The following VPS13B variants were observed in gnomAD, a reference collection of about 807,000 sequenced individuals.
VPS13B encodes the protein intermembrane lipid transfer protein VPS13B.
A neutral mutation model predicts 426.4 loss-of-function variants in VPS13B; 285 were observed. The observed-to-expected ratio is 0.67, with a 90% confidence interval of 0.61 to 0.74. The LOEUF is 0.74. Among genes scored for constraint, VPS13B ranks in the 30% least tolerant of loss-of-function variants. The pLI is 0.00. For synonymous variants in VPS13B, 1,676 were observed against 1,676.4 expected, an observed-to-expected ratio of 1.00 and a Z score of 0.01; for missense variants, 4,537 against 4,782.6, an observed-to-expected ratio of 0.95 and a Z score of 1.51.
chr8:99,422,319 A>C (rs1329996811), intron 21 of VPS13B, among the ~76,000 whole-genome samples: 1 of 152,180 alleles, frequency 6.6e-6, no homozygotes, highest in Non-Finnish European at 1.5e-5. Flanking sequence ...ATCAGAGAAC[A>C]TAGTATTTAC....
At chr8:99,765,849 A>C (rs961296357) in intron 39 of VPS13B, among the ~76,000 whole-genome samples, 2 of 152,164 alleles carry the variant, frequency 1.3e-5, no homozygotes, top group Admixed American at 1.3e-4. Flanking sequence ...CATGCCATAC[A>C]TACAAAAGTC....
At chr8:99,637,231 T>G (rs977909257) in intron 33 of VPS13B, among the ~76,000 whole-genome samples, 4 of 152,022 alleles carry the variant, frequency 2.6e-5, no homozygotes, top group Non-Finnish European at 5.9e-5. Context: ...CTTTTCTTAA[T>G]AGTGGACCAG....
intron 2 of VPS13B, among the ~76,000 whole-genome samples, chr8:99,030,461 A>AGTGAGT (rs1554574582): frequency 6.9e-6 from 1 of 144,794 alleles, no homozygotes; most frequent in Non-Finnish European, 1.5e-5. Flanking sequence ...TGAGTGAGTG[A>AGTGAGT]GTGTGTGTGT....
intron 29 of VPS13B, among the ~76,000 whole-genome samples, chr8:99,515,905 A>G (rs1222501535): frequency 2.0e-5 from 3 of 152,124 alleles, no homozygotes; most frequent in Non-Finnish European, 4.4e-5. Context: ...TTTCCTTATT[A>G]ATTAATACAT....
chr8:99,172,058 C>T (rs1812371722), intron 16 of VPS13B, among the ~76,000 whole-genome samples: 1 of 152,120 alleles, frequency 6.6e-6, no homozygotes, highest in South Asian at 2.1e-4. Context: ...GTTACTCTAC[C>T]TTAGACTTGT....
At chr8:99,809,810 AG>A (rs1813605728) in intron 44 of VPS13B, among the ~76,000 whole-genome samples, 1 of 152,180 alleles carries the variant, frequency 6.6e-6, no homozygotes. Flanking sequence ...CTTCTGGTGG[AG>A]GTGCTAATGA....
chr8:99,818,631 T>G, intron 46 of VPS13B, 82 bp from the exon 47 acceptor site: 1 of 1,603,540 alleles, frequency 6.2e-7, no homozygotes, highest in Middle Eastern at 1.7e-4. Flanking sequence ...AGAGATTTAT[T>G]ACAAGTTTGT....
At chr8:99,395,492 C>T (rs1381120654) in intron 21 of VPS13B, among the ~76,000 whole-genome samples, 1 of 152,150 alleles carries the variant, frequency 6.6e-6, no homozygotes, top group African/African-American at 2.4e-5. Flanking sequence ...ACCAGAAGGT[C>T]TAGGCCTCAG....
chr8:99,421,132 A>G (rs1389978651), intron 21 of VPS13B, among the ~76,000 whole-genome samples: 1 of 152,164 alleles, frequency 6.6e-6, no homozygotes, highest in Non-Finnish European at 1.5e-5. Context: ...CACAACTAAA[A>G]CACAAGCTGA....
At chr8:99,684,559 A>C (rs1440832522) in intron 35 of VPS13B, among the ~76,000 whole-genome samples, 1 of 152,178 alleles carries the variant, frequency 6.6e-6, no homozygotes, top group African/African-American at 2.4e-5. Flanking sequence ...TTAGAAACTC[A>C]TCACCATTTT....
At chr8:99,219,068 A>G (rs748840076) in intron 17 of VPS13B, among the ~76,000 whole-genome samples, 13 of 152,062 alleles carry the variant, frequency 8.5e-5, no homozygotes, top group Non-Finnish European at 1.3e-4. Context: ...AGATTATCTG[A>G]TCAGCAATGA....
At chr8:99,356,542 G>A (rs1333215812) in intron 19 of VPS13B, among the ~76,000 whole-genome samples, 1 of 152,140 alleles carries the variant, frequency 6.6e-6, no homozygotes, top group Non-Finnish European at 1.5e-5. Flanking sequence ...CACCTACTGG[G>A]AGGCTGTGCT....
rs139002981 is a variant in VPS13B, at chr8:99,838,107, C to T, written c.9942+2369C>T. Among the ~76,000 whole-genome samples, 9 of 152,302 alleles carry T rather than the reference C, an allele frequency of 5.9e-5. No individual in the cohort carries two copies. In the East Asian group the frequency reaches 1.7e-3, roughly 29 times the overall value. ...AACAGTTATTGAGAAGACCTGCTAA[C>T]ATGTAGGCTGCAGAATACCGATTGT... On this transcript the variant is annotated intron_variant, in intron 54 of 61. Coordinates refer to ENST00000357162, the MANE Select transcript of VPS13B (RefSeq NM_152564.5).
At chr8:99,767,089 T>A in intron 40 of VPS13B, 119 bp downstream of exon 40, 1 of 985,574 alleles carries the variant, frequency 1.0e-6, no homozygotes, top group Non-Finnish European at 1.6e-6. Context: ...TGCATCTCTC[T>A]GAACAACAGA....
chr8:99,437,058 A>T (rs1269751503), intron 22 of VPS13B, among the ~76,000 whole-genome samples: 3 of 152,110 alleles, frequency 2.0e-5, no homozygotes, highest in Admixed American at 6.5e-5. Context: ...ATTTTTTAAG[A>T]TGTTTTATGA....
At chr8:99,074,004 C>T (rs1274893645) in intron 3 of VPS13B, among the ~76,000 whole-genome samples, 1 of 152,052 alleles carries the variant, frequency 6.6e-6, no homozygotes, top group African/African-American at 2.4e-5. Flanking sequence ...CTACTGGGCT[C>T]AAGTCCTCCC....
chr8:99,434,732 G>A (rs750768531), intron 22 of VPS13B, among the ~76,000 whole-genome samples: 2 of 152,122 alleles, frequency 1.3e-5, no homozygotes, highest in Non-Finnish European at 2.9e-5. Flanking sequence ...AAGAATGGGG[G>A]GAAGAAAGTA....
At chr8:99,813,337 G>C (rs1345771276) in intron 44 of VPS13B, among the ~76,000 whole-genome samples, 6 of 152,140 alleles carry the variant, frequency 3.9e-5, no homozygotes, top group African/African-American at 1.4e-4. Context: ...TGGAGATTCT[G>C]TGGTTTCTCT....
intron 17 of VPS13B, among the ~76,000 whole-genome samples, chr8:99,202,871 A>G (rs1814424466): frequency 6.6e-6 from 1 of 151,818 alleles, no homozygotes; most frequent in African/African-American, 2.4e-5. Flanking sequence ...CTACTAAAAA[A>G]AAAATACAAA....
Sources: gnomAD v4.1 joint callset for allele counts (sites outside exome capture counted in the v4.1 genomes callset) on GRCh38, gnomAD v4.1.1 for gene constraint, MANE v1.5 for transcripts, NCBI Gene and HGNC (gene_info 2026-07-23, HGNC 2026-07-21) for gene names.